Variants in SYN3 observed in about 807,000 individuals in gnomAD.
SYN3 encodes the protein synapsin III.
In SYN3, 35 loss-of-function variants were observed where a neutral mutation model predicts 65.8. The ratio of observed to expected loss-of-function variants is 0.53; its 90% CI spans 0.41 to 0.70. The LOEUF (loss-of-function observed/expected upper bound fraction) is 0.70, where lower values mean the gene tolerates loss of function less well. SYN3 is among the 30% of genes least tolerant of loss of function. The pLI, the probability that SYN3 is intolerant of heterozygous loss-of-function variation, is 0.00. For synonymous variants in SYN3, 270 were observed against 292.9 expected, an observed-to-expected ratio of 0.92 and a Z score of 0.80; for missense variants, 680 against 749.0, an observed-to-expected ratio of 0.91 and a Z score of 1.08.
chr22:32,915,601 G>T (rs2050166442), intron 4 of SYN3, among the ~76,000 whole-genome samples: 2 of 152,202 alleles, frequency 1.3e-5, no homozygotes, highest in Admixed American at 1.3e-4. Context: ...TCCAGTTGAG[G>T]GAATAGCAAG....
At chr22:32,555,791 C>T (rs2058486476) in intron 7 of SYN3, among the ~76,000 whole-genome samples, 2 of 152,120 alleles carry the variant, frequency 1.3e-5, no homozygotes, top group Non-Finnish European at 2.9e-5. Flanking sequence ...AACAGGAAGG[C>T]ATGCATCCAG....
chr22:32,887,475 C>G (rs2049325253), intron 4 of SYN3, among the ~76,000 whole-genome samples: 2 of 152,222 alleles, frequency 1.3e-5, no homozygotes, highest in East Asian at 3.9e-4. Flanking sequence ...ATGACTTGTG[C>G]CAACAACCCA....
intron 7 of SYN3, among the ~76,000 whole-genome samples, chr22:32,554,275 C>T (rs1170745150): frequency 2.0e-5 from 3 of 152,104 alleles, no homozygotes; most frequent in Admixed American, 6.5e-5. Context: ...CAGGTTTCAG[C>T]CCAGATGGTC....
chr22:32,519,477 C>G (rs2057839503), intron 12 of SYN3: 1 of 152,168 alleles, frequency 6.6e-6, no homozygotes, highest in African/African-American at 2.4e-5. Flanking sequence ...TACCATTCTT[C>G]TCACCACATA....
intron 6 of SYN3, among the ~76,000 whole-genome samples, chr22:32,676,394 G>C (rs1389610227): frequency 1.3e-5 from 2 of 152,192 alleles, no homozygotes; most frequent in African/African-American, 4.8e-5. Flanking sequence ...GCTTGTCCTA[G>C]GGAGTTTCCC....
At chr22:32,559,917 G>T (rs2058561572) in intron 7 of SYN3, among the ~76,000 whole-genome samples, 2 of 152,230 alleles carry the variant, frequency 1.3e-5, no homozygotes, top group Admixed American at 6.5e-5. Context: ...TGGGTGAGTG[G>T]GCTCAAGCCT....
rs2059123624 is a variant in SYN3 at position 32,591,232 on chromosome 22, AT to A, written c.774+5441del. 2.0e-5 allele frequency among the ~76,000 whole-genome samples: 3 copies of A among 151,502 alleles called. 1 individual carries two copies. The South Asian group carries it at 6.3e-4, about 32-fold the overall frequency. ...TCCAAAGACGGAGACATATGGCTGC[AT>A]TTAAAAAAAAAAACTTAAAAATTGC... On this transcript the variant is annotated intron_variant, in intron 7 of 13. Coordinates refer to ENST00000358763, the MANE Select transcript of SYN3 (RefSeq NM_003490.4).
intron 4 of SYN3, among the ~76,000 whole-genome samples, chr22:32,888,753 G>A (rs1383066437): frequency 1.3e-5 from 2 of 152,176 alleles, no homozygotes; most frequent in African/African-American, 4.8e-5. Flanking sequence ...AACTTTTGGA[G>A]CACTGACATG....
intron 3 of SYN3, among the ~76,000 whole-genome samples, chr22:32,938,927 CA>C (rs137558): frequency 6.2e-4 from 77 of 125,020 alleles, no homozygotes; most frequent in South Asian, 3.6e-3. Context: ...GGCTTTGTCT[CA>C]AAAAAAAAAA....
chr22:32,650,916 C>T (rs573559538), intron 6 of SYN3, among the ~76,000 whole-genome samples: 2 of 152,278 alleles, frequency 1.3e-5, no homozygotes, highest in Admixed American at 1.3e-4. Context: ...TACCTTATAA[C>T]AGCTGCTTCC....
At chr22:32,806,412 A>G (rs2046737364) in intron 6 of SYN3, among the ~76,000 whole-genome samples, 1 of 152,338 alleles carries the variant, frequency 6.6e-6, no homozygotes, top group South Asian at 2.1e-4. Context: ...AACAAAAACA[A>G]CAACACGATT....
At chr22:32,817,674 T>C (rs772713717) in intron 6 of SYN3, among the ~76,000 whole-genome samples, 1 of 152,242 alleles carries the variant, frequency 6.6e-6, no homozygotes, top group African/African-American at 2.4e-5. Context: ...TGGTCATGAC[T>C]TGTTTTATAA....
intron 1 of SYN3, among the ~76,000 whole-genome samples, chr22:33,033,429 G>A (rs1468396538): frequency 6.6e-6 from 1 of 152,146 alleles, no homozygotes; most frequent in Non-Finnish European, 1.5e-5. Context: ...CCACCCCAAT[G>A]TCACCTCATC....
chr22:32,861,498 A>T (rs1471254314), intron 6 of SYN3: 1 of 152,194 alleles, frequency 6.6e-6, no homozygotes, highest in Non-Finnish European at 1.5e-5. Context: ...GGGGCCCCTG[A>T]CCAACCTACA....
At chr22:32,594,152 G>A (rs1402535991) in intron 7 of SYN3, among the ~76,000 whole-genome samples, 2 of 151,988 alleles carry the variant, frequency 1.3e-5, no homozygotes, top group Admixed American at 6.6e-5. Context: ...AGGGAATTGG[G>A]GGGCAGACAT....
chr22:32,525,721 A>AG (rs1410951962), intron 12 of SYN3, among the ~76,000 whole-genome samples: 1 of 152,126 alleles, frequency 6.6e-6, no homozygotes, highest in East Asian at 1.9e-4. Flanking sequence ...AAAAAAAAAA[A>AG]AAAATGCTAT....
chr22:32,530,990 A>G (rs879264643), intron 10 of SYN3, among the ~76,000 whole-genome samples: 21 of 151,504 alleles, frequency 1.4e-4, no homozygotes, highest in Non-Finnish European at 2.5e-4. Context: ...GCAGAAGGGG[A>G]AACTAGGATC....
intron 6 of SYN3, among the ~76,000 whole-genome samples, chr22:32,652,148 A>C (rs2060080116): frequency 6.6e-6 from 1 of 152,202 alleles, no homozygotes; most frequent in South Asian, 2.1e-4. Flanking sequence ...TAGGGTCATC[A>C]AAATAATTAA....
intron 6 of SYN3, among the ~76,000 whole-genome samples, chr22:32,825,891 T>C (rs1156874417): frequency 1.3e-5 from 2 of 152,000 alleles, no homozygotes; most frequent in Admixed American, 6.6e-5. Context: ...TGAACTGATA[T>C]ATTGGGATTG....
Sources: allele counts gnomAD v4.1 joint callset (sites outside exome capture counted in the v4.1 genomes callset), GRCh38; gene constraint gnomAD v4.1.1; transcripts MANE v1.5; gene names NCBI Gene and HGNC (gene_info 2026-07-23, HGNC 2026-07-21).